The following SCARF1 variants were observed in gnomAD, a reference collection of about 807,000 sequenced individuals.
The protein encoded by SCARF1 is scavenger receptor class F member 1.
In SCARF1, 49 loss-of-function variants were observed where a neutral mutation model predicts 76.3. The observed-to-expected ratio is 0.64, with a 90% CI of 0.51 to 0.81. The LOEUF (loss-of-function observed/expected upper bound fraction) is 0.81. Ranked by LOEUF, SCARF1 falls within the 40% of genes least tolerant of loss-of-function variation. The pLI, the probability that SCARF1 is intolerant of heterozygous loss-of-function variation, is 0.00. For synonymous variants in SCARF1, 495 were observed against 474.6 expected (o/e 1.04, Z -0.56); for missense variants, 1,098 against 1,143.9 (o/e 0.96, Z 0.58).
Position 1,644,042 on chromosome 17 carries a change from A to C in SCARF1, c.266-75T>G. On this transcript the variant is annotated intron_variant, in intron 3 of 10. Coordinates refer to ENST00000263071, the MANE Select transcript of SCARF1 (RefSeq NM_003693.4). This position sits in a 1 kb window ranked among gnomAD's most constrained non-coding sequence, Gnocchi z 4.8. The stretch of plus-strand genomic sequence containing the variant: ...ACCCTTACCCTGCGTCCCCTTCCTC[A>C]AGGAAAAGGGGCGCTGGGCCCATCC... 4 of 1,156,304 alleles carry C rather than the reference A, an allele frequency of 3.5e-6. No individual in the cohort carries two copies. In the Admixed American group the frequency reaches 1.7e-4, roughly 49 times the overall value. 71.6% of individuals were successfully genotyped at this position (1,156,304 alleles called of 1,614,324 possible).
intron 8 of SCARF1, chr17:1,638,475 G>A (rs932873045): frequency 3.7e-5 from 7 of 189,206 alleles, no homozygotes; most frequent in African/African-American, 9.3e-5. Context: ...GCTCCGGTTC[G>A]CCAGCCTGGT....
rs1909469582 is a variant in SCARF1 at position 1,635,443 on chromosome 17, C to T, written c.1808G>A (p.Arg603His). 1.2e-6 allele frequency: 2 copies of T among 1,614,062 alleles called. No individual in the cohort carries two copies. The highest frequency in any genetic ancestry group is 1.7e-6 in the Non-Finnish European group (2 of 1,179,962). The change falls in exon 11 of 11, where the codon CGC becomes CAC. Residue 603 changes from arginine to histidine, a missense_variant. Physicochemically the swap from Arg to His is conservative, Grantham distance 29. Transcript: ENST00000263071. ...AEGTKFAPQSRRSSGELSSPL... is the reference protein window; with the variant it reads ...AEGTKFAPQSHRSSGELSSPL... ...GCTGGAGAGCTCCCCTGAGCTTCGG[C>T]GACTCTGTGGTGCAAACTTGGTACC... is the stretch of plus-strand genomic sequence containing the variant.
rs557537238 is a variant in SCARF1, at chr17:1,635,148, G to T, written c.2103C>A (p.Ser701=). ...GGAAGACAGAGCGGACAGGGCCTTCGGATCCGCGGGGCTTCCCTGCCAGCA... is the reference window on the plus strand; with the variant it reads ...GGAAGACAGAGCGGACAGGGCCTTCTGATCCGCGGGGCTTCCCTGCCAGCA... ...IYMLAGKPRG[S]EGPVRSVFRH... Residue 701 remains serine (S), a synonymous_variant, in exon 11 of 11, where the codon TCC becomes TCA. Coordinates refer to ENST00000263071, the MANE Select transcript of SCARF1 (RefSeq NM_003693.4). 1.8e-4 allele frequency: 290 copies of T among 1,613,542 alleles called. 4 individuals are homozygous for T. The South Asian group carries it at 3.1e-3, about 17-fold the overall frequency.
Position 1,644,032 on chromosome 17 carries a change from C to A in SCARF1, c.266-65G>T. The A allele has an allele frequency of 8.3e-7, 1 of 1,211,650 alleles. No individual in the cohort carries two copies. Among genetic ancestry groups the A allele is most frequent in the South Asian group, 3.0e-5 (1 of 33,182 alleles). 75.1% of individuals were successfully genotyped at this position (1,211,650 alleles called of 1,614,324 possible). A position where few individuals can be genotyped will look rare whatever the true frequency, so the allele number is the denominator to read the frequency against. ...CCGCGCGCAGACCCTTACCCTGCGT[C>A]CCCTTCCTCAAGGAAAAGGGGCGCT... On this transcript the variant is annotated intron_variant, in intron 3 of 10. Coordinates refer to ENST00000263071, the MANE Select transcript of SCARF1 (RefSeq NM_003693.4). The surrounding 1 kb of genome is among the most constrained non-coding windows in gnomAD (Gnocchi z 4.8).
At chr17:1,641,818 T>C (rs1228482260) in intron 4 of SCARF1, among the ~76,000 whole-genome samples, 1 of 152,048 alleles carries the variant, frequency 6.6e-6, no homozygotes, top group African/African-American at 2.4e-5. Flanking sequence ...GCCTCCCGGG[T>C]TCAAGTGATT....
At chr17:1,637,647 T>C (rs1396057858) in intron 8 of SCARF1, among the ~76,000 whole-genome samples, 1 of 152,094 alleles carries the variant, frequency 6.6e-6, no homozygotes, top group African/African-American at 2.4e-5. Context: ...TAATTTTGTA[T>C]TTTTAGTAGA....
At position 1,640,055 on chromosome 17, in the gene SCARF1, G is replaced by A. The variant is rs750084510; in HGVS notation, c.1011-15C>T. 2.5e-6 allele frequency: 4 copies of A among 1,612,376 alleles called. No individual in the cohort carries two copies. In the South Asian group the frequency reaches 4.4e-5, roughly 18 times the overall value. On this transcript the variant is annotated splice_polypyrimidine_tract_variant and intron_variant, in intron 5 of 10. Transcript: ENST00000263071. This position sits in a 1 kb window ranked among gnomAD's most constrained non-coding sequence, Gnocchi z 4.7. ...GGTCTTCACACCTGGGGTGAGGCAA[G>A]ACTCGGGGAAGGGGAGACCAAGGCA...
At chr17:1,638,998 C>T (rs927924719) in intron 7 of SCARF1, 72 bp from the exon 8 acceptor site, 4 of 1,444,998 alleles carry the variant, frequency 2.8e-6, no homozygotes, top group African/African-American at 1.4e-5. Flanking sequence ...CTCTGAGTTG[C>T]CTGCTACCCA....
At position 1,645,722 on chromosome 17, in the gene SCARF1, C is replaced by A. The variant is rs368498680; in HGVS notation, c.-25G>T. The stretch of plus-strand genomic sequence containing the variant: ...TGGCAGGCAGCTCGGTGGGAGCGCT[C>A]GGGTTCGTCTGGCCCCCACAGCTCC... On this transcript the variant is annotated 5_prime_UTR_variant, in exon 1 of 11. Coordinates refer to ENST00000263071, the MANE Select transcript of SCARF1 (RefSeq NM_003693.4). This position sits in a 1 kb window ranked among gnomAD's most constrained non-coding sequence, Gnocchi z 6.3. The A allele has an allele frequency of 4.3e-5, 68 of 1,571,724 alleles. No homozygotes were observed. Among genetic ancestry groups the A allele is most frequent in the Non-Finnish European group, 5.7e-5 (66 of 1,163,108 alleles).
In SCARF1 at chr17:1,645,535, C is replaced by A. The variant is rs774727942; in HGVS notation, c.101+62G>T. The A allele has an allele frequency of 1.9e-6, 3 of 1,561,936 alleles. No homozygotes were observed. Among genetic ancestry groups the A allele is most frequent in the Admixed American group, 1.9e-5 (1 of 53,642 alleles). ...CGGCCTCAACACCGGTTCAGCCACC[C>A]GCATCAGACTCCCACGAGACCCACC... is the stretch of plus-strand genomic sequence containing the variant. On this transcript the variant is annotated intron_variant, in intron 1 of 10. Coordinates refer to ENST00000263071, the MANE Select transcript of SCARF1 (RefSeq NM_003693.4). The surrounding 1 kb of genome is among the most constrained non-coding windows in gnomAD (Gnocchi z 6.3).
At position 1,644,058 on chromosome 17, in the gene SCARF1, G is replaced by T. The variant is rs1177092469; in HGVS notation, c.266-91C>A. ...CCCTTCCTCAAGGAAAAGGGGCGCT[G>T]GGCCCATCCTCCAAGAGCCGGGGAC... On this transcript the variant is annotated intron_variant, in intron 3 of 10. Transcript: ENST00000263071. This position sits in a 1 kb window ranked among gnomAD's most constrained non-coding sequence, Gnocchi z 4.8. 5.7e-6 allele frequency: 6 copies of T among 1,057,834 alleles called. No homozygotes were observed. Among genetic ancestry groups the T allele is most frequent in the Non-Finnish European group, 7.3e-6 (6 of 823,316 alleles). The allele number at this position is 1,057,834 out of a possible 1,614,324, so 65.5% of individuals were successfully genotyped here.
At chr17:1,637,364 CTA>C (rs1567662302) in intron 8 of SCARF1, among the ~76,000 whole-genome samples, 16,745 of 141,202 alleles carry the variant, frequency 0.12, 990 homozygotes, top group African/African-American at 0.15. Flanking sequence ...ATCTATCTAT[CTA>C]TCTATATCTA....
chr17:1,633,918 AC>A lies in SCARF1; in HGVS notation c.*839del. ...AACAAAGATCATTGCTTTTTATTAT[AC>A]TTTATCAAATTCAATCTAGTAACAA... On this transcript the variant is annotated 3_prime_UTR_variant, in exon 11 of 11. Transcript: ENST00000263071. 6.6e-6 allele frequency: 1 copy of A among 152,282 alleles called. No homozygotes were observed. The highest frequency in any genetic ancestry group is 2.1e-4 in the South Asian group (1 of 4,830). The allele number at this position is 152,282 out of a possible 1,614,324, so 9.4% of individuals were successfully genotyped here. A position where few individuals can be genotyped will look rare whatever the true frequency, so the allele number is the denominator to read the frequency against.
In SCARF1 at chr17:1,638,662, C is replaced by A. The variant is rs528369618; in HGVS notation, c.1364+144G>T. 3 of 1,149,528 alleles carry A rather than the reference C, an allele frequency of 2.6e-6. No individual in the cohort carries two copies. In the African/African-American group the frequency reaches 4.7e-5, roughly 18 times the overall value. The allele number at this position is 1,149,528 out of a possible 1,614,324, so 71.2% of individuals were successfully genotyped here. ...CATCACCTCTGACCCACGGGGGCGACAAGGCCAGCCCTCCCCACCCCCATC... is the reference window on the plus strand; with the variant it reads ...CATCACCTCTGACCCACGGGGGCGAAAAGGCCAGCCCTCCCCACCCCCATC... On this transcript the variant is annotated intron_variant, in intron 8 of 10. Coordinates refer to ENST00000263071, the MANE Select transcript of SCARF1 (RefSeq NM_003693.4).
intron 7 of SCARF1, among the ~76,000 whole-genome samples, 176 bp from the exon 8 acceptor site, chr17:1,639,102 G>T (rs1419331241): frequency 6.6e-6 from 1 of 152,226 alleles, no homozygotes; most frequent in Non-Finnish European, 1.5e-5. Flanking sequence ...CCATGTCAGT[G>T]TCCAGCCACC....
chr17:1,643,553 C>G lies in SCARF1; in HGVS notation c.680G>C (p.Arg227Pro), dbSNP rs775062256. The G allele has an allele frequency of 1.7e-5, 25 of 1,454,508 alleles. No individual in the cohort carries two copies. Among genetic ancestry groups the G allele is most frequent in the South Asian group, 5.2e-5 (4 of 76,214 alleles). 90.1% of individuals were successfully genotyped at this position (1,454,508 alleles called of 1,614,324 possible). Residue 227 changes from arginine to proline, a missense_variant, in exon 4 of 11, where the codon CGG becomes CCG. Coordinates refer to ENST00000263071, the MANE Select transcript of SCARF1 (RefSeq NM_003693.4). ...PECQQQCECV[R>P]GRCSAASGEC... ...GCCGGAGGCGGCGCTGCAGCGGCCC[C>G]GCACACACTCGCACTGCTGCTGGCA...
At chr17:1,637,839 G>A (rs1047706459) in intron 8 of SCARF1, among the ~76,000 whole-genome samples, 2 of 152,132 alleles carry the variant, frequency 1.3e-5, no homozygotes, top group African/African-American at 4.8e-5. Flanking sequence ...ACCCCCACAT[G>A]TGGAGGAGAC....
intron 10 of SCARF1, 118 bp from the exon 11 acceptor site, chr17:1,635,735 T>G: frequency 7.9e-7 from 1 of 1,269,840 alleles, no homozygotes; most frequent in East Asian, 2.5e-5. Context: ...AGGGCAAGGA[T>G]GAGGAGAGTG....
In SCARF1 at chr17:1,635,377, G is replaced by A. The variant is rs770470840; in HGVS notation, c.1874C>T (p.Ser625Leu). 1.1e-5 allele frequency: 17 copies of A among 1,613,242 alleles called. No homozygotes were observed. Among genetic ancestry groups the A allele is most frequent in the Non-Finnish European group, 1.4e-5 (16 of 1,179,570 alleles). The change falls in exon 11 of 11, where the codon TCG (serine) becomes TTG (leucine). Residue 625 changes from serine (S) to leucine (L), a missense_variant. Ser to Leu is a moderately radical substitution (Grantham distance 145). Transcript: ENST00000263071. ...TTCGGCTTCCCGGCCCTCAGGACCC[G>A]ACTGCGCCCCCCGGGAGAGCCTCTT... ...KPKRLSRGAQ[S>L]GPEGREAEES... is the part of the protein sequence containing the mutation.
Sources: gnomAD v4.1 joint callset for allele counts (sites outside exome capture counted in the v4.1 genomes callset) on GRCh38, gnomAD v4.1.1 for gene constraint, Gnocchi (gnomAD v3.1) non-coding constraint, MANE v1.5 for transcripts, NCBI Gene and HGNC (gene_info 2026-07-23, HGNC 2026-07-21) for gene names.